The following PTPRM variants were observed in gnomAD, a reference collection of about 807,000 sequenced individuals.
PTPRM encodes the protein protein tyrosine phosphatase receptor type M.
PTPRM carries 47 observed loss-of-function variants against 186.7 expected under a neutral mutation model. The observed-to-expected ratio is 0.25, with a 90% CI of 0.20 to 0.32. The LOEUF is 0.32. PTPRM is among the 10% of genes least tolerant of loss of function. The pLI, the probability that PTPRM is intolerant of heterozygous loss-of-function variation, is 1.00. For synonymous variants in PTPRM, 668 were observed against 674.9 expected (o/e 0.99, Z 0.16); for missense variants, 1,494 against 1,865.0 (o/e 0.80, Z 3.66).
chr18:7,625,596 G>A (rs1396161106), intron 1 of PTPRM, among the ~76,000 whole-genome samples: 2 of 152,042 alleles, frequency 1.3e-5, no homozygotes, highest in Non-Finnish European at 2.9e-5. Flanking sequence ...GTGCAGTGGC[G>A]TGATCTCGGC....
chr18:7,910,916 C>T (rs1364397869), intron 4 of PTPRM, among the ~76,000 whole-genome samples: 1 of 152,116 alleles, frequency 6.6e-6, no homozygotes, highest in Non-Finnish European at 1.5e-5. Context: ...TGCCTCTAGA[C>T]CCTATTCTCC....
intron 7 of PTPRM, among the ~76,000 whole-genome samples, chr18:8,065,110 A>G: frequency 6.6e-6 from 1 of 152,156 alleles, no homozygotes; most frequent in East Asian, 1.9e-4. Context: ...CTAAAATTAT[A>G]CCCAAATATC....
intron 1 of PTPRM, among the ~76,000 whole-genome samples, chr18:7,591,598 T>C (rs1567971552): frequency 6.6e-6 from 1 of 152,190 alleles, no homozygotes; most frequent in Non-Finnish European, 1.5e-5. Flanking sequence ...TTACTTTTAT[T>C]TGAGGGAAAA....
chr18:8,376,786 C>A, intron 26 of PTPRM, 189 bp downstream of exon 26: 1 of 685,126 alleles, frequency 1.5e-6, no homozygotes, highest in Non-Finnish European at 2.2e-6. Context: ...ACAAACCAAA[C>A]AAACCCAGGA....
rs200636048 is a variant in PTPRM at position 7,572,538 on chromosome 18, C to CA, written c.73+4649dup. Among the ~76,000 whole-genome samples, 1,130 of 152,112 alleles carry CA rather than the reference C, an allele frequency of 7.4e-3. 13 individuals are homozygous for CA. The highest frequency in any genetic ancestry group is 0.026 in the African/African-American group (1,084 of 41,502). Reference sequence around the variant, plus strand: ...TATTAGATTAAATATTGTTTTCTTTCAATTTTTGTTTTAGATTTCATTAAG... The same window carrying CA: ...TATTAGATTAAATATTGTTTTCTTTCAAATTTTTGTTTTAGATTTCATTAAG... On this transcript the variant is annotated intron_variant, in intron 1 of 32. Transcript: ENST00000580170.
At chr18:7,885,175 A>T (rs2146321881) in intron 2 of PTPRM, among the ~76,000 whole-genome samples, 1 of 152,260 alleles carries the variant, frequency 6.6e-6, no homozygotes, top group East Asian at 1.9e-4. Context: ...TCTCCATAGA[A>T]GTCCTCGAAG....
rs143549166 is a variant in PTPRM, at chr18:7,678,405, C to G, written c.74-95744C>G. On this transcript the variant is annotated intron_variant, in intron 1 of 32. Transcript: ENST00000580170. ...ACCCACTTAAGGGATTTGATTGCAT[C>G]AGGGATGGAGTTCTGTATATGAGAA... 1.5e-3 allele frequency among the ~76,000 whole-genome samples: 224 copies of G among 152,230 alleles called. 1 individual carries two copies. The highest frequency in any genetic ancestry group is 2.9e-3 in the South Asian group (14 of 4,828).
chr18:7,684,578 T>C (rs1346149506), intron 1 of PTPRM, among the ~76,000 whole-genome samples: 2 of 152,232 alleles, frequency 1.3e-5, no homozygotes, highest in African/African-American at 4.8e-5. Context: ...AGATGCTTTG[T>C]ATAAATAGAA....
intron 1 of PTPRM, among the ~76,000 whole-genome samples, chr18:7,635,250 A>G: frequency 6.6e-6 from 1 of 152,198 alleles, no homozygotes; most frequent in East Asian, 1.9e-4. Context: ...TGTTAAAGCA[A>G]CGTGTATTTT....
intron 7 of PTPRM, among the ~76,000 whole-genome samples, chr18:7,978,028 C>T (rs1198307196): frequency 7.2e-5 from 11 of 152,200 alleles, no homozygotes; most frequent in Admixed American, 6.5e-5. Context: ...TTTTGCAGTG[C>T]GTCTGTTTAC....
At chr18:8,317,093 G>A (rs972685807) in intron 21 of PTPRM, among the ~76,000 whole-genome samples, 1 of 152,154 alleles carries the variant, frequency 6.6e-6, no homozygotes, top group Non-Finnish European at 1.5e-5. Context: ...AGTCGTTAGA[G>A]GTATCTGAGT....
intron 19 of PTPRM, among the ~76,000 whole-genome samples, chr18:8,286,372 GT>G (rs2094957355): frequency 1.3e-5 from 2 of 152,322 alleles, no homozygotes; most frequent in African/African-American, 4.8e-5. Flanking sequence ...ATTCCCAAGG[GT>G]GGCTGGAACC....
Position 7,889,146 on chromosome 18 carries a change from A to G in PTPRM, c.468+769A>G, listed in dbSNP as rs370779899. On this transcript the variant is annotated intron_variant, in intron 3 of 32. Transcript: ENST00000580170. ...TGAATAAATAAATAAATAAATTTTT[A>G]TAACAGTGCAAGAAAAACCTATGCT... 2.1e-4 allele frequency among the ~76,000 whole-genome samples: 32 copies of G among 152,270 alleles called. 1 individual carries two copies. In the East Asian group the frequency reaches 2.1e-3, roughly 10 times the overall value.
rs1448565738 is a variant in PTPRM at position 7,906,520 on chromosome 18, A to G, written c.484A>G (p.Ile162Val). The change falls in exon 4 of 33, where the codon ATA becomes GTA. Residue 162 changes from isoleucine (I) to valine (V), a missense_variant. This residue lies in a region of PTPRM where 296 missense variants were observed against 345.5 expected (regional missense o/e 0.86). Transcript: ENST00000580170. The stretch of plus-strand genomic sequence containing the variant: ...AATTTTCCAGGTGATTTTTGAAGTG[A>G]TAACTTCTGGACATCAAGGCTATCT... ...PNFYQVIFEV[I>V]TSGHQGYLAI... 2 of 1,612,730 alleles carry G rather than the reference A, an allele frequency of 1.2e-6. No individual in the cohort carries two copies. Among genetic ancestry groups the G allele is most frequent in the East Asian group, 2.2e-5 (1 of 44,882 alleles).
intron 11 of PTPRM, among the ~76,000 whole-genome samples, chr18:8,109,601 A>C (rs2091670753): frequency 1.3e-5 from 2 of 152,174 alleles, no homozygotes; most frequent in Non-Finnish European, 2.9e-5. Flanking sequence ...TCATTAAACT[A>C]CTGCTTGAAA....
intron 2 of PTPRM, among the ~76,000 whole-genome samples, chr18:7,837,858 C>T (rs767334187): frequency 9.2e-5 from 14 of 152,236 alleles, no homozygotes; most frequent in Admixed American, 2.6e-4. Context: ...TACTTGTAGA[C>T]GCTCATCTGT....
intron 3 of PTPRM, among the ~76,000 whole-genome samples, chr18:7,888,789 T>C (rs1232667340): frequency 2.0e-5 from 3 of 152,088 alleles, no homozygotes; most frequent in African/African-American, 7.2e-5. Flanking sequence ...CATGGAATAG[T>C]GTGCAGCCAT....
intron 19 of PTPRM, among the ~76,000 whole-genome samples, chr18:8,273,495 A>C (rs139192720): frequency 6.6e-6 from 1 of 152,018 alleles, no homozygotes; most frequent in Admixed American, 6.6e-5. Flanking sequence ...CTCATCATTC[A>C]TCTTCTCTTT....
At chr18:8,223,857 A>G (rs914662228) in intron 14 of PTPRM, among the ~76,000 whole-genome samples, 4 of 152,212 alleles carry the variant, frequency 2.6e-5, no homozygotes, top group African/African-American at 7.2e-5. Flanking sequence ...CTTGGTATGT[A>G]TAGTATATAC....
Sources: gnomAD v4.1 joint callset for allele counts (sites outside exome capture counted in the v4.1 genomes callset) on GRCh38, gnomAD v4.1.1 for gene constraint, gnomAD v4.1.1 regional missense constraint, MANE v1.5 for transcripts, NCBI Gene and HGNC (gene_info 2026-07-23, HGNC 2026-07-21) for gene names.